The following FBXL7 variants were observed in gnomAD, a reference collection of about 807,000 sequenced individuals.
FBXL7 encodes the protein F-box/LRR-repeat protein 7.
FBXL7 carries 12 observed loss-of-function variants against 38.3 expected under a neutral mutation model. The ratio of observed to expected loss-of-function variants is 0.31; its 90% confidence interval spans 0.20 to 0.51. FBXL7 has a LOEUF of 0.51. Ranked by LOEUF, FBXL7 falls within the 20% of genes least tolerant of loss-of-function variation. The probability of loss-of-function intolerance (pLI) is 0.98; values close to 1 mark genes in which losing one functional copy is unlikely to be tolerated. For missense variants in FBXL7, 567 were observed against 676.4 expected, an observed-to-expected ratio of 0.84 and a Z score of 1.79; for synonymous variants, 297 against 300.9, an observed-to-expected ratio of 0.99 and a Z score of 0.13.
rs144897557 is a variant in FBXL7, at chr5:15,938,828, G to T, written c.*1642G>T. The T allele has an allele frequency of 1.4e-3, 535 of 396,162 alleles. 3 individuals are homozygous for T. The highest frequency in any genetic ancestry group is 9.9e-3 in the African/African-American group (482 of 48,702). 24.5% of individuals were successfully genotyped at this position (396,162 alleles called of 1,614,324 possible). On this transcript the variant is annotated 3_prime_UTR_variant, in exon 4 of 4. Transcript: ENST00000504595. ...TCAGATAGCCAGAAGAAATTCCATT[G>T]CTGGTTTTCACGAAATTCACTTGTC...
At chr5:15,935,563 G>C (rs576157241) in intron 3 of FBXL7, among the ~76,000 whole-genome samples, 43 of 151,140 alleles carry the variant, frequency 2.8e-4, no homozygotes, top group Non-Finnish European at 3.8e-4. Context: ...TTCGAGTTCC[G>C]TTTTCCAAGA....
intron 2 of FBXL7, among the ~76,000 whole-genome samples, chr5:15,912,329 A>C (rs1307906225): frequency 1.5e-5 from 2 of 129,246 alleles, no homozygotes; most frequent in East Asian, 4.6e-4. Context: ...CGGAAAGGGA[A>C]CTCCCTGACC....
chr5:15,743,539 T>G (rs1448180761), intron 2 of FBXL7, among the ~76,000 whole-genome samples: 1 of 152,224 alleles, frequency 6.6e-6, no homozygotes, highest in Non-Finnish European at 1.5e-5. Flanking sequence ...CAGCACCCCC[T>G]CCCAGCTGCT....
chr5:15,866,351 A>G (rs1387513610), intron 2 of FBXL7, among the ~76,000 whole-genome samples: 1 of 152,208 alleles, frequency 6.6e-6, no homozygotes, highest in Non-Finnish European at 1.5e-5. Flanking sequence ...ACTGACATCA[A>G]TGTCTAATAT....
intron 1 of FBXL7, among the ~76,000 whole-genome samples, chr5:15,585,628 G>A (rs1739276264): frequency 1.3e-5 from 2 of 152,152 alleles, no homozygotes; most frequent in African/African-American, 4.8e-5. Context: ...TATGTTTATA[G>A]GAAGAAGGGA....
At chr5:15,600,635 G>T (rs1203482542) in intron 1 of FBXL7, among the ~76,000 whole-genome samples, 5 of 152,090 alleles carry the variant, frequency 3.3e-5, no homozygotes, top group African/African-American at 1.2e-4. Flanking sequence ...GAAACATAGC[G>T]GGATCTTAAA....
intron 1 of FBXL7, among the ~76,000 whole-genome samples, chr5:15,575,113 C>T (rs1738914724): frequency 6.6e-6 from 1 of 152,096 alleles, no homozygotes; most frequent in East Asian, 1.9e-4. Context: ...CTAAAATACA[C>T]AGGACAGCAT....
At chr5:15,861,224 C>T (rs934357045) in intron 2 of FBXL7, among the ~76,000 whole-genome samples, 8 of 152,254 alleles carry the variant, frequency 5.3e-5, no homozygotes, top group South Asian at 2.1e-4. Flanking sequence ...GGCACAAGCT[C>T]CCAAGGATGG....
At chr5:15,664,171 T>C (rs951388327) in intron 2 of FBXL7, among the ~76,000 whole-genome samples, 1 of 152,192 alleles carries the variant, frequency 6.6e-6, no homozygotes, top group Admixed American at 6.5e-5. Context: ...GTATACATAA[T>C]TAGCTTACCA....
chr5:15,902,812 G>A (rs948851706), intron 2 of FBXL7, among the ~76,000 whole-genome samples: 1 of 152,238 alleles, frequency 6.6e-6, no homozygotes, highest in Non-Finnish European at 1.5e-5. Flanking sequence ...CTTCGGGGTG[G>A]ATTCAGTATT....
At position 15,928,103 on chromosome 5, in the gene FBXL7, T is replaced by C. The variant is rs1455025740; in HGVS notation, c.341T>C (p.Ile114Thr). ...AGACCCCAGAAGGAGCAGGCCAGCA[T>C]AGACCGGCTCCCGGACCACTCCATG... ...ASRPQKEQAS[I>T]DRLPDHSMVQ... The change falls in exon 3 of 4, where the codon ATA becomes ACA. Residue 114 changes from isoleucine (I) to threonine (T), a missense_variant. By Grantham distance (89) the Ile-to-Thr change is moderately conservative. Transcript: ENST00000504595. This position sits in a 1 kb window ranked among gnomAD's most constrained non-coding sequence, Gnocchi z 4.0. 16 of 1,502,012 alleles carry C rather than the reference T, an allele frequency of 1.1e-5. No individual in the cohort carries two copies. Among genetic ancestry groups the C allele is most frequent in the Non-Finnish European group, 1.3e-5 (14 of 1,112,408 alleles). 93.0% of individuals were successfully genotyped at this position (1,502,012 alleles called of 1,614,324 possible).
At chr5:15,838,425 C>T (rs759773144) in intron 2 of FBXL7, among the ~76,000 whole-genome samples, 13 of 152,028 alleles carry the variant, frequency 8.6e-5, no homozygotes, top group Non-Finnish European at 1.5e-4. Context: ...GTGCTCCACC[C>T]TCATGACCTA....
rs1742252367 is a variant in FBXL7, at chr5:15,938,146, C to T, written c.*960C>T. The T allele has an allele frequency of 6.6e-6, 1 of 152,178 alleles. No homozygotes were observed. Among genetic ancestry groups the T allele is most frequent in the African/African-American group, 2.4e-5 (1 of 41,436 alleles). The allele number at this position is 152,178 out of a possible 1,614,324, so 9.4% of individuals were successfully genotyped here. On this transcript the variant is annotated 3_prime_UTR_variant, in exon 4 of 4. Transcript: ENST00000504595. ...ACATCCTCTTTTGCCAGGCTGGATG[C>T]TGTCGTCTCTGTACACAAATACTTT...
At chr5:15,799,384 A>G (rs1436946950) in intron 2 of FBXL7, among the ~76,000 whole-genome samples, 1 of 119,090 alleles carries the variant, frequency 8.4e-6, no homozygotes, top group Non-Finnish European at 1.7e-5. Flanking sequence ...TTTTTGAGAC[A>G]GAGTTTCACA....
intron 2 of FBXL7, among the ~76,000 whole-genome samples, chr5:15,697,801 A>T (rs1161173541): frequency 6.6e-6 from 1 of 152,202 alleles, no homozygotes; most frequent in African/African-American, 2.4e-5. Context: ...AAACTTGAGC[A>T]AATAAACTGA....
intron 2 of FBXL7, among the ~76,000 whole-genome samples, chr5:15,912,306 C>A (rs1741453564): frequency 8.2e-6 from 1 of 121,394 alleles, no homozygotes; most frequent in Admixed American, 8.5e-5. Context: ...GTCCGTCACC[C>A]CTTTCTTTGA....
chr5:15,879,803 G>A (rs1740364455), intron 2 of FBXL7, among the ~76,000 whole-genome samples: 1 of 152,158 alleles, frequency 6.6e-6, no homozygotes, highest in South Asian at 2.1e-4. Context: ...ATAATACAGA[G>A]ATCAATACCA....
intron 1 of FBXL7, among the ~76,000 whole-genome samples, chr5:15,587,104 C>A (rs907611883): frequency 5.3e-5 from 8 of 152,200 alleles, no homozygotes; most frequent in African/African-American, 1.7e-4. Flanking sequence ...CTAAAACCTG[C>A]CATTTGTCCT....
intron 1 of FBXL7, among the ~76,000 whole-genome samples, chr5:15,532,896 A>G (rs1737469986): frequency 6.6e-6 from 1 of 152,272 alleles, no homozygotes; most frequent in Non-Finnish European, 1.5e-5. Context: ...ATGGGATGTC[A>G]GGATGATAAG....
Sources: gnomAD v4.1 joint callset for allele counts (sites outside exome capture counted in the v4.1 genomes callset) on GRCh38, gnomAD v4.1.1 for gene constraint, Gnocchi (gnomAD v3.1) non-coding constraint, MANE v1.5 for transcripts, NCBI Gene and HGNC (gene_info 2026-07-23, HGNC 2026-07-21) for gene names.